Variants in UBE4B observed in about 807,000 individuals in gnomAD.
UBE4B encodes the protein ubiquitination factor E4B.
In UBE4B, 27 loss-of-function variants were observed where a neutral mutation model predicts 148.1. The observed-to-expected ratio is 0.18, with a 90% CI of 0.13 to 0.25. The LOEUF is 0.25. Among genes scored for constraint, UBE4B ranks in the 10% least tolerant of loss-of-function variants. The pLI, the probability that UBE4B is intolerant of heterozygous loss-of-function variation, is 1.00. For missense variants in UBE4B, 1,170 were observed against 1,662.4 expected, an observed-to-expected ratio of 0.70 and a Z score of 5.15; for synonymous variants, 596 against 619.3, an observed-to-expected ratio of 0.96 and a Z score of 0.56.
chr1:10,103,631 TG>T (rs1184226453), intron 5 of UBE4B, among the ~76,000 whole-genome samples: 49 of 148,046 alleles, frequency 3.3e-4, no homozygotes, highest in African/African-American at 1.0e-3. Context: ...GTTTTGTTTT[TG>T]TTTTTTTTTT....
intron 20 of UBE4B, among the ~76,000 whole-genome samples, chr1:10,149,600 A>C (rs1470478993): frequency 5.9e-5 from 9 of 152,238 alleles, no homozygotes; most frequent in Non-Finnish European, 1.2e-4. Flanking sequence ...TGAACATCCC[A>C]AAACCAGAAA....
chr1:10,134,950 T>C (rs1285438281), intron 15 of UBE4B, 38 bp from the exon 16 acceptor site: 4 of 1,594,914 alleles, frequency 2.5e-6, no homozygotes, highest in Admixed American at 1.7e-5. Context: ...AAATTTTTTT[T>C]AATGTTTAAA....
chr1:10,131,906 T>TC (rs1570949085), intron 14 of UBE4B, among the ~76,000 whole-genome samples: 1 of 151,576 alleles, frequency 6.6e-6, no homozygotes, highest in African/African-American at 2.4e-5. Flanking sequence ...TGAGCCGAGA[T>TC]GTGCCACTGC....
chr1:10,117,714 T>C (rs1645335822), intron 8 of UBE4B, 114 bp downstream of exon 8: 1 of 1,305,014 alleles, frequency 7.7e-7, no homozygotes, highest in African/African-American at 1.5e-5. Flanking sequence ...ATTGAGCATT[T>C]GCCATGTGCC....
chr1:10,130,235 C>A (rs1202064476), intron 12 of UBE4B, among the ~76,000 whole-genome samples: 1 of 151,798 alleles, frequency 6.6e-6, no homozygotes, highest in African/African-American at 2.4e-5. Context: ...CCACCACGCC[C>A]GGCTAATTTT....
intron 21 of UBE4B, among the ~76,000 whole-genome samples, chr1:10,156,490 C>T (rs772340316): frequency 1.3e-5 from 2 of 151,944 alleles, no homozygotes; most frequent in Admixed American, 6.6e-5. Context: ...TCTGCCCACC[C>T]GGGCCTCCTG....
chr1:10,176,420 T>C (rs994180392), intron 25 of UBE4B, among the ~76,000 whole-genome samples: 1 of 152,224 alleles, frequency 6.6e-6, no homozygotes, highest in Non-Finnish European at 1.5e-5. Context: ...GATGCCAGAA[T>C]GTTTTCTACA....
At chr1:10,165,428 A>C (rs947880751) in intron 23 of UBE4B, among the ~76,000 whole-genome samples, 2 of 151,636 alleles carry the variant, frequency 1.3e-5, no homozygotes, top group Admixed American at 6.6e-5. Context: ...TTCAACCTCC[A>C]CTCTTGAGCA....
intron 8 of UBE4B, among the ~76,000 whole-genome samples, chr1:10,117,843 G>C (rs1382422884): frequency 6.6e-6 from 1 of 152,172 alleles, no homozygotes; most frequent in African/African-American, 2.4e-5. Context: ...CCTGGCTTCA[G>C]AGTCCTCTCT....
chr1:10,110,396 G>A (rs1012132476), intron 7 of UBE4B, among the ~76,000 whole-genome samples: 8 of 152,180 alleles, frequency 5.3e-5, no homozygotes, highest in Non-Finnish European at 7.3e-5. Context: ...GAGAATTACC[G>A]TGTGTGAAAA....
chr1:10,102,023 C>T (rs1645020763), intron 4 of UBE4B, among the ~76,000 whole-genome samples: 1 of 150,926 alleles, frequency 6.6e-6, no homozygotes, highest in Non-Finnish European at 1.5e-5. Context: ...ATAATTACAT[C>T]ACTTTCTGTT....
Position 10,033,165 on chromosome 1 carries a change from C to G in UBE4B, c.-506C>G, listed in dbSNP as rs542563360. 1 of 152,768 alleles carries G rather than the reference C, an allele frequency of 6.5e-6. No homozygotes were observed. The highest frequency in any genetic ancestry group is 1.5e-5 in the Non-Finnish European group (1 of 68,342). 9.5% of individuals were successfully genotyped at this position (152,768 alleles called of 1,614,324 possible). A position where few individuals can be genotyped will look rare whatever the true frequency, so the allele number is the denominator to read the frequency against. On this transcript the variant is annotated 5_prime_UTR_variant, in exon 1 of 28. Transcript: ENST00000343090. The stretch of plus-strand genomic sequence containing the variant: ...GAGGGGAGGGGCTTCCCTTACAGTG[C>G]TGGGCTCTGCCAGGACGGCTGTGGG...
Position 10,134,990 on chromosome 1 carries a change from A to T in UBE4B, c.2028A>T (p.Thr676=). The T allele has an allele frequency of 6.2e-7, 1 of 1,613,790 alleles. No homozygotes were observed. Among genetic ancestry groups the T allele is most frequent in the Non-Finnish European group, 8.5e-7 (1 of 1,179,756 alleles). Reference sequence around the variant, plus strand: ...CTTTTTCTTTTCAACTTTCACAGACAGATGATAGATTGGTGTCTACAGATG... The same window carrying T: ...CTTTTTCTTTTCAACTTTCACAGACTGATGATAGATTGGTGTCTACAGATG... ...NANMKKAQMQ[T]DDRLVSTDGF... The change falls in exon 16 of 28, where the codon ACA becomes ACT. Residue 676 remains threonine, a splice_region_variant and synonymous_variant. Coordinates refer to ENST00000343090, the MANE Select transcript of UBE4B (RefSeq NM_001105562.3).
intron 2 of UBE4B, among the ~76,000 whole-genome samples, chr1:10,075,527 T>C (rs1323298543): frequency 6.6e-6 from 1 of 152,250 alleles, no homozygotes; most frequent in Non-Finnish European, 1.5e-5. Context: ...CATATGCTGT[T>C]ATCACAAACT....
At chr1:10,105,865 TTG>T in intron 6 of UBE4B, 121 bp downstream of exon 6, 1 of 1,067,448 alleles carries the variant, frequency 9.4e-7, no homozygotes. Flanking sequence ...TATATCATAT[TTG>T]GGGAGGTGGA....
At chr1:10,096,512 A>C (rs1644930504) in intron 3 of UBE4B, among the ~76,000 whole-genome samples, 1 of 152,048 alleles carries the variant, frequency 6.6e-6, no homozygotes, top group Non-Finnish European at 1.5e-5. Flanking sequence ...CAGGTGGATC[A>C]CTTGAGGTCA....
At chr1:10,108,243 A>G (rs1443495375) in intron 7 of UBE4B, among the ~76,000 whole-genome samples, 2 of 147,294 alleles carry the variant, frequency 1.4e-5, no homozygotes, top group Non-Finnish European at 1.5e-5. Context: ...AGTCTGGGCA[A>G]TCCATCGAAG....
intron 1 of UBE4B, among the ~76,000 whole-genome samples, chr1:10,035,302 T>C (rs1455118777): frequency 6.6e-6 from 1 of 151,320 alleles, no homozygotes; most frequent in Non-Finnish European, 1.5e-5. Flanking sequence ...TGGCCTGTTT[T>C]ATGTGGTTTT....
At chr1:10,174,663 T>C (rs1271948807) in intron 25 of UBE4B, among the ~76,000 whole-genome samples, 2 of 149,758 alleles carry the variant, frequency 1.3e-5, no homozygotes, top group East Asian at 3.9e-4. Context: ...GATCGTGCCA[T>C]TGCACTCCAG....
Sources: allele counts gnomAD v4.1 joint callset (sites outside exome capture counted in the v4.1 genomes callset), GRCh38; gene constraint gnomAD v4.1.1; transcripts MANE v1.5; gene names NCBI Gene and HGNC (gene_info 2026-07-23, HGNC 2026-07-21).